DLG2: variants seen among roughly 807,000 people sequenced by gnomAD.
The protein encoded by DLG2 is disks large homolog 2.
A neutral mutation model predicts 132.5 loss-of-function variants in DLG2; 45 were observed. That is an observed-to-expected ratio of 0.34 (90% CI 0.27 to 0.44). The LOEUF is 0.44. Among genes scored for constraint, DLG2 ranks in the 20% least tolerant of loss-of-function variants. DLG2 has a pLI of 1.00. For missense variants in DLG2, 1,045 were observed against 1,196.9 expected, an observed-to-expected ratio of 0.87 and a Z score of 1.87; for synonymous variants, 424 against 419.6, an observed-to-expected ratio of 1.01 and a Z score of -0.13.
chr11:84,189,081 G>A (rs924844930), intron 8 of DLG2, among the ~76,000 whole-genome samples: 4 of 152,108 alleles, frequency 2.6e-5, no homozygotes, highest in African/African-American at 9.7e-5. Flanking sequence ...GTGCAAAGAT[G>A]GTCAGTTCTA....
chr11:83,541,113 A>G (rs904981655), intron 20 of DLG2, among the ~76,000 whole-genome samples: 1 of 152,174 alleles, frequency 6.6e-6, no homozygotes, highest in African/African-American at 2.4e-5. Context: ...GGGGAACAAG[A>G]GTAAAGAAAA....
At chr11:83,784,874 G>A (rs572006758) in intron 18 of DLG2, among the ~76,000 whole-genome samples, 10 of 152,194 alleles carry the variant, frequency 6.6e-5, no homozygotes, top group African/African-American at 2.4e-4. Context: ...TCAGAAACAG[G>A]AAAATGGGGA....
intron 18 of DLG2, among the ~76,000 whole-genome samples, chr11:83,664,059 T>C (rs1054634703): frequency 2.6e-5 from 4 of 152,212 alleles, no homozygotes; most frequent in Non-Finnish European, 4.4e-5. Flanking sequence ...GTAGAGATGA[T>C]AGCTCTCTTA....
chr11:85,571,492 T>A (rs1322589749), intron 3 of DLG2, among the ~76,000 whole-genome samples: 2 of 152,116 alleles, frequency 1.3e-5, no homozygotes, highest in African/African-American at 4.8e-5. Context: ...CCTTCAACCC[T>A]CATGCAAGCA....
At chr11:84,761,349 A>G (rs1282195347) in intron 6 of DLG2, among the ~76,000 whole-genome samples, 2 of 152,168 alleles carry the variant, frequency 1.3e-5, no homozygotes, top group Non-Finnish European at 2.9e-5. Flanking sequence ...TTTCTTTTGA[A>G]TGGATCTCTG....
At chr11:83,514,493 C>T (rs1006903511) in intron 21 of DLG2, among the ~76,000 whole-genome samples, 4 of 152,192 alleles carry the variant, frequency 2.6e-5, no homozygotes, top group Non-Finnish European at 5.9e-5. Context: ...AATTTGACTT[C>T]CTCTTTTCCT....
At chr11:83,784,504 T>G (rs1450319507) in intron 18 of DLG2, among the ~76,000 whole-genome samples, 1 of 152,234 alleles carries the variant, frequency 6.6e-6, no homozygotes, top group Non-Finnish European at 1.5e-5. Flanking sequence ...GAATCCAATC[T>G]GTACTTTGGC....
chr11:84,554,746 C>CAAT (rs544187660), intron 6 of DLG2, among the ~76,000 whole-genome samples: 47 of 151,430 alleles, frequency 3.1e-4, no homozygotes, highest in South Asian at 6.3e-4. Context: ...AACTCTGTCT[C>CAAT]AATAATAATA....
chr11:84,133,366 T>C (rs1331858116), intron 9 of DLG2, among the ~76,000 whole-genome samples: 1 of 152,032 alleles, frequency 6.6e-6, no homozygotes, highest in Non-Finnish European at 1.5e-5. Flanking sequence ...CTTCTTAGGA[T>C]AGTGACAAAC....
intron 6 of DLG2, chr11:84,687,063 C>T (rs1290395654): frequency 6.6e-6 from 1 of 152,026 alleles, no homozygotes; most frequent in African/African-American, 2.4e-5. Context: ...GATTATGCAA[C>T]TTACTGTTTT....
At chr11:83,715,224 C>T (rs987606797) in intron 18 of DLG2, among the ~76,000 whole-genome samples, 11 of 152,158 alleles carry the variant, frequency 7.2e-5, no homozygotes, top group Admixed American at 2.6e-4. Context: ...CTCAAATCCA[C>T]CAGGCACCAA....
intron 6 of DLG2, among the ~76,000 whole-genome samples, chr11:84,835,134 A>T (rs1334640385): frequency 1.3e-5 from 2 of 151,662 alleles, no homozygotes; most frequent in African/African-American, 2.4e-5. Flanking sequence ...AATATTATTT[A>T]GGAAATTCTG....
intron 7 of DLG2, among the ~76,000 whole-genome samples, chr11:84,494,359 T>C (rs960024791): frequency 3.9e-5 from 6 of 152,142 alleles, no homozygotes; most frequent in South Asian, 2.1e-4. Flanking sequence ...TGAAAACAAA[T>C]ACTACTTTTG....
chr11:85,355,435 A>G (rs1403093837), intron 3 of DLG2, among the ~76,000 whole-genome samples: 1 of 152,106 alleles, frequency 6.6e-6, no homozygotes, highest in Non-Finnish European at 1.5e-5. Context: ...CTCCCTGTGA[A>G]TTTAATATAT....
intron 6 of DLG2, among the ~76,000 whole-genome samples, chr11:84,629,580 C>T (rs1202264698): frequency 6.6e-6 from 1 of 152,144 alleles, no homozygotes; most frequent in East Asian, 1.9e-4. Flanking sequence ...CAAGTTCTTC[C>T]TTAGGTTATA....
chr11:84,808,264 A>T (rs923914564), intron 6 of DLG2, among the ~76,000 whole-genome samples: 1 of 152,138 alleles, frequency 6.6e-6, no homozygotes, highest in Admixed American at 6.5e-5. Context: ...AAGGCAAATT[A>T]AAAAATACAC....
At chr11:84,548,768 C>T (rs768897287) in intron 6 of DLG2, among the ~76,000 whole-genome samples, 10 of 152,086 alleles carry the variant, frequency 6.6e-5, no homozygotes, top group Non-Finnish European at 1.0e-4. Flanking sequence ...TATTCTTACA[C>T]GAGCCCATCT....
chr11:84,187,742 T>C (rs968278516), intron 8 of DLG2, among the ~76,000 whole-genome samples: 5 of 152,056 alleles, frequency 3.3e-5, no homozygotes, highest in Admixed American at 3.3e-4. Context: ...AAGGTAATGA[T>C]GGGTATCTGG....
At chr11:83,693,559 T>C (rs1184179297) in intron 18 of DLG2, among the ~76,000 whole-genome samples, 1 of 152,168 alleles carries the variant, frequency 6.6e-6, no homozygotes, top group African/African-American at 2.4e-5. Context: ...ACTTCCCTTT[T>C]GATAAAAGGG....
Sources: allele counts gnomAD v4.1 joint callset (sites outside exome capture counted in the v4.1 genomes callset), GRCh38; gene constraint gnomAD v4.1.1; transcripts MANE v1.5; gene names NCBI Gene and HGNC (gene_info 2026-07-23, HGNC 2026-07-21).